Variants in CTNNA2 observed in about 807,000 individuals in gnomAD.
The protein encoded by CTNNA2 is catenin alpha-2.
In CTNNA2, 42 loss-of-function variants were observed where a neutral mutation model predicts 101.0. That is an observed-to-expected ratio of 0.42 (90% CI 0.32 to 0.54). CTNNA2 has a LOEUF of 0.54. CTNNA2 is among the 20% of genes least tolerant of loss of function. CTNNA2 has a pLI of 0.14. For synonymous variants in CTNNA2, 450 were observed against 456.4 expected, an observed-to-expected ratio of 0.99 and a Z score of 0.18; for missense variants, 871 against 1,223.1, an observed-to-expected ratio of 0.71 and a Z score of 4.29.
chr2:80,479,874 G>A (rs1292774001), intron 9 of CTNNA2, among the ~76,000 whole-genome samples: 1 of 152,160 alleles, frequency 6.6e-6, no homozygotes, highest in Admixed American at 6.6e-5. Context: ...ACTTTCAGAT[G>A]CAAAGCTTGA....
At chr2:79,436,381 C>T (rs1678714736) in intron 4 of CTNNA2, among the ~76,000 whole-genome samples, 1 of 152,150 alleles carries the variant, frequency 6.6e-6, no homozygotes. Flanking sequence ...GGCTGGCTAT[C>T]GCTCACTTTG....
At chr2:80,226,916 A>C (rs1708920444) in intron 7 of CTNNA2, among the ~76,000 whole-genome samples, 1 of 151,782 alleles carries the variant, frequency 6.6e-6, no homozygotes, top group Admixed American at 6.6e-5. Context: ...CTTCACTTTT[A>C]TTTCATTTCC....
chr2:79,413,464 T>C (rs1329259062), intron 4 of CTNNA2, among the ~76,000 whole-genome samples: 1 of 152,104 alleles, frequency 6.6e-6, no homozygotes, highest in Non-Finnish European at 1.5e-5. Flanking sequence ...CAGTCACTCA[T>C]TGACAGACAC....
chr2:80,432,343 G>GA (rs939550202), intron 9 of CTNNA2, among the ~76,000 whole-genome samples: 6 of 152,082 alleles, frequency 3.9e-5, no homozygotes, highest in Non-Finnish European at 8.8e-5. Flanking sequence ...ATCTTTTGGG[G>GA]AAAAAATTGA....
At chr2:79,260,137 G>A (rs1233423669) in intron 2 of CTNNA2, among the ~76,000 whole-genome samples, 1 of 152,084 alleles carries the variant, frequency 6.6e-6, no homozygotes, top group African/African-American at 2.4e-5. Context: ...TGGCCAGCTT[G>A]CCATGGGTGT....
At chr2:79,837,692 T>C (rs1454055435) in intron 3 of CTNNA2, among the ~76,000 whole-genome samples, 2 of 152,042 alleles carry the variant, frequency 1.3e-5, no homozygotes, top group Admixed American at 6.6e-5. Context: ...TTTTACTCCC[T>C]AGCTCCTCAA....
intron 1 of CTNNA2, among the ~76,000 whole-genome samples, chr2:79,525,907 T>C (rs769256760): frequency 3.9e-5 from 6 of 152,036 alleles, no homozygotes; most frequent in Non-Finnish European, 5.9e-5. Context: ...AGCTATTTTC[T>C]GTTCTAGTTT....
intron 3 of CTNNA2, among the ~76,000 whole-genome samples, chr2:79,316,232 C>A (rs1169479948): frequency 6.6e-6 from 1 of 152,012 alleles, no homozygotes; most frequent in Admixed American, 6.6e-5. Context: ...TGTATTGACA[C>A]CTTTGTTAAA....
At chr2:79,839,055 C>T (rs1455215363) in intron 3 of CTNNA2, among the ~76,000 whole-genome samples, 11 of 152,054 alleles carry the variant, frequency 7.2e-5, no homozygotes, top group African/African-American at 2.6e-4. Flanking sequence ...TTTAAGCGCA[C>T]CCTATTCTGA....
intron 17 of CTNNA2, among the ~76,000 whole-genome samples, chr2:80,609,409 C>T (rs931869267): frequency 1.3e-5 from 2 of 151,716 alleles, no homozygotes; most frequent in African/African-American, 4.8e-5. Flanking sequence ...ATCTGGAAAG[C>T]CTGTTTCATG....
At chr2:79,746,136 T>A (rs551920433) in intron 3 of CTNNA2, among the ~76,000 whole-genome samples, 2 of 152,320 alleles carry the variant, frequency 1.3e-5, no homozygotes, top group East Asian at 3.9e-4. Context: ...TAGATTTGAT[T>A]TATATTTTCC....
At chr2:79,345,978 G>T (rs1432758848) in intron 3 of CTNNA2, among the ~76,000 whole-genome samples, 1 of 151,760 alleles carries the variant, frequency 6.6e-6, no homozygotes, top group African/African-American at 2.4e-5. Flanking sequence ...AGGATTACAG[G>T]CGTGAGCCAC....
At chr2:80,576,371 C>A (rs941260096) in intron 13 of CTNNA2, 1 of 28,314 alleles carries the variant, frequency 3.5e-5, no homozygotes, top group South Asian at 2.1e-3. Flanking sequence ...TTCCATGAAA[C>A]CATTTTTTTT....
chr2:80,092,491 G>C (rs1461714562), intron 7 of CTNNA2, among the ~76,000 whole-genome samples: 2 of 152,062 alleles, frequency 1.3e-5, no homozygotes, highest in African/African-American at 4.8e-5. Context: ...ATTTTCTTTA[G>C]AGTGATGAAA....
intron 1 of CTNNA2, among the ~76,000 whole-genome samples, chr2:79,193,733 T>A (rs1673921341): frequency 6.6e-6 from 1 of 152,210 alleles, no homozygotes; most frequent in Non-Finnish European, 1.5e-5. Flanking sequence ...AGAAGCAATG[T>A]GACTGTATAT....
chr2:80,371,170 T>G (rs1365080511), intron 7 of CTNNA2, among the ~76,000 whole-genome samples: 2 of 152,156 alleles, frequency 1.3e-5, no homozygotes, highest in African/African-American at 4.8e-5. Flanking sequence ...GAGAGTGACC[T>G]TTCTGCTTCT....
At chr2:80,492,184 G>A (rs1394157378) in intron 9 of CTNNA2, among the ~76,000 whole-genome samples, 3 of 152,108 alleles carry the variant, frequency 2.0e-5, no homozygotes, top group Admixed American at 6.6e-5. Context: ...GTATTCTCAC[G>A]AGATCTGGTT....
chr2:79,777,272 T>C, intron 3 of CTNNA2, among the ~76,000 whole-genome samples: 1 of 152,084 alleles, frequency 6.6e-6, no homozygotes. Context: ...ATGATTTCTC[T>C]ACTATAAGAA....
chr2:79,821,123 C>A (rs559589115), intron 3 of CTNNA2, among the ~76,000 whole-genome samples: 1 of 152,194 alleles, frequency 6.6e-6, no homozygotes, highest in Admixed American at 6.5e-5. Flanking sequence ...CAAAACAAAA[C>A]AAATTTAGGA....
Sources: gnomAD v4.1 joint callset for allele counts (sites outside exome capture counted in the v4.1 genomes callset) on GRCh38, gnomAD v4.1.1 for gene constraint, MANE v1.5 for transcripts, NCBI Gene and HGNC (gene_info 2026-07-23, HGNC 2026-07-21) for gene names.